The following ACTR3C variants were observed in gnomAD, a reference collection of about 807,000 sequenced individuals.
ACTR3C encodes the protein actin-related protein 3C.
In ACTR3C, 18 loss-of-function variants were observed where a neutral mutation model predicts 26.3. The observed-to-expected ratio is 0.68, with a 90% CI of 0.47 to 1.01. The LOEUF (loss-of-function observed/expected upper bound fraction) is 1.01, where lower values mean the gene tolerates loss of function less well. ACTR3C is among the 50% of genes least tolerant of loss of function. The pLI is 0.00. For missense variants in ACTR3C, 184 were observed against 250.7 expected (o/e 0.73, Z 1.80); for synonymous variants, 55 against 94.5 (o/e 0.58, Z 2.42).
At chr7:150,060,137 A>C in the ACTR3C span, among the ~76,000 whole-genome samples, 149 of 152,284 alleles carry the variant, frequency 9.8e-4, no homozygotes, top group Admixed American at 2.6e-3. Flanking sequence ...TTTGAATGTG[A>C]GTCTCGCTCC....
At chr7:150,101,177 C>T in the ACTR3C span, among the ~76,000 whole-genome samples, 1 of 151,762 alleles carries the variant, frequency 6.6e-6, no homozygotes, top group South Asian at 2.1e-4. Context: ...TAGATTTCAA[C>T]AGTAAACGCC....
chr7:150,131,986 TGGAATGATAGTTGCGG>T, the ACTR3C span, among the ~76,000 whole-genome samples: 2 of 152,208 alleles, frequency 1.3e-5, no homozygotes, highest in African/African-American at 4.8e-5. Flanking sequence ...TCCACTTATA[TGGAATGATAGTTGCGG>T]GGAATGATAG....
chr7:150,182,778 C>T, the ACTR3C span, among the ~76,000 whole-genome samples: 1 of 151,018 alleles, frequency 6.6e-6, no homozygotes, highest in Non-Finnish European at 1.5e-5. Flanking sequence ...CTAAAACATT[C>T]AGGACTATCA....
the ACTR3C span, among the ~76,000 whole-genome samples, chr7:149,951,437 C>T: frequency 6.8e-6 from 1 of 147,798 alleles, no homozygotes; most frequent in Non-Finnish European, 1.5e-5. Flanking sequence ...TTTGGCTGGG[C>T]TATATTTCTT....
chr7:149,947,161 A>G, the ACTR3C span, among the ~76,000 whole-genome samples: 1 of 150,926 alleles, frequency 6.6e-6, no homozygotes, highest in South Asian at 2.1e-4. Flanking sequence ...AACTTCCCCT[A>G]TAACATTTGG....
chr7:150,128,376 A>G, the ACTR3C span, among the ~76,000 whole-genome samples: 1 of 152,192 alleles, frequency 6.6e-6, no homozygotes, highest in African/African-American at 2.4e-5. Flanking sequence ...GACAGGTCAG[A>G]ATCAGCTTAG....
At chr7:149,906,044 T>G in the ACTR3C span, among the ~76,000 whole-genome samples, 1 of 152,220 alleles carries the variant, frequency 6.6e-6, no homozygotes, top group Non-Finnish European at 1.5e-5. Flanking sequence ...AATCGTTGTA[T>G]ATTCGCGTTA....
At chr7:149,967,806 T>G in the ACTR3C span, among the ~76,000 whole-genome samples, 4 of 152,154 alleles carry the variant, frequency 2.6e-5, no homozygotes, top group African/African-American at 9.7e-5. Context: ...CAGGATGGGA[T>G]GACCTCTACC....
the ACTR3C span, among the ~76,000 whole-genome samples, chr7:150,085,376 T>C: frequency 1.3e-5 from 2 of 151,846 alleles, no homozygotes; most frequent in African/African-American, 4.8e-5. Context: ...CAGAACCGGT[T>C]GAGGAAATGG....
chr7:150,104,295 T>G, the ACTR3C span, among the ~76,000 whole-genome samples: 5 of 151,716 alleles, frequency 3.3e-5, no homozygotes, highest in Non-Finnish European at 7.4e-5. Flanking sequence ...AGGCCCAGAA[T>G]TTTTAGAACT....
chr7:150,068,604 C>T, the ACTR3C span, among the ~76,000 whole-genome samples: 4 of 142,124 alleles, frequency 2.8e-5, no homozygotes, highest in Non-Finnish European at 6.1e-5. Flanking sequence ...CGGTGAAACC[C>T]CGTCTCTACT....
chr7:150,253,413 A>AT (rs1427652403), intron 6 of ACTR3C, among the ~76,000 whole-genome samples: 1 of 151,874 alleles, frequency 6.6e-6, no homozygotes. Flanking sequence ...CGATTTTAAT[A>AT]TTTTTTTCTG....
the ACTR3C span, among the ~76,000 whole-genome samples, chr7:150,168,723 C>T: frequency 5.3e-5 from 8 of 150,682 alleles, no homozygotes; most frequent in African/African-American, 2.0e-4. Flanking sequence ...CCCCTCGTAG[C>T]CAAGGGCCTC....
At chr7:150,212,747 G>C in the ACTR3C span, among the ~76,000 whole-genome samples, 1 of 152,172 alleles carries the variant, frequency 6.6e-6, no homozygotes, top group South Asian at 2.1e-4. Context: ...TAACCTTCAT[G>C]ATGCCCAAGT....
At chr7:150,084,551 T>A in the ACTR3C span, among the ~76,000 whole-genome samples, 1 of 151,998 alleles carries the variant, frequency 6.6e-6, no homozygotes, top group African/African-American at 2.4e-5. Flanking sequence ...GGCAGGAAGA[T>A]CTATGAGAGA....
rs557482782 is a variant in ACTR3C at position 150,296,529 on chromosome 7, C to T, written c.-51-1182G>A. The stretch of plus-strand genomic sequence containing the variant: ...AAGAATAAATAAACTTGATTTTTCT[C>T]ATTCAACAATATACTATGAACATTT... On this transcript the variant is annotated intron_variant, in intron 1 of 7. Coordinates refer to ENST00000683684, the MANE Select transcript of ACTR3C (RefSeq NM_001164458.2). 2.0e-4 allele frequency among the ~76,000 whole-genome samples: 30 copies of T among 151,384 alleles called. No homozygotes were observed. The East Asian group carries it at 5.6e-3, about 28-fold the overall frequency.
intron 6 of ACTR3C, among the ~76,000 whole-genome samples, chr7:150,277,098 G>T (rs2129611527): frequency 6.6e-6 from 1 of 152,258 alleles, no homozygotes; most frequent in East Asian, 1.9e-4. Context: ...CCCCGAGAAG[G>T]AATTCTGCCT....
At chr7:150,023,045 C>G in the ACTR3C span, among the ~76,000 whole-genome samples, 1 of 150,992 alleles carries the variant, frequency 6.6e-6, no homozygotes, top group African/African-American at 2.4e-5. Flanking sequence ...CCTTCCCACC[C>G]TATTTCCCCG....
chr7:150,112,279 A>G, the ACTR3C span, among the ~76,000 whole-genome samples: 56 of 152,296 alleles, frequency 3.7e-4, 1 homozygote, highest in South Asian at 0.011. Context: ...AAAAGGGTGG[A>G]TGAGGCCAGA....
Sources: allele counts gnomAD v4.1 joint callset (sites outside exome capture counted in the v4.1 genomes callset), GRCh38; gene constraint gnomAD v4.1.1; transcripts MANE v1.5; gene names NCBI Gene and HGNC (gene_info 2026-07-23, HGNC 2026-07-21).